The following KHDRBS2 variants were observed in gnomAD, a reference collection of about 807,000 sequenced individuals.
KHDRBS2 encodes KH domain-containing, RNA-binding, signal transduction-associated protein 2.
In KHDRBS2, 26 loss-of-function variants were observed where a neutral mutation model predicts 44.3. The observed-to-expected ratio is 0.59, with a 90% CI of 0.43 to 0.81. The LOEUF (loss-of-function observed/expected upper bound fraction) is 0.81. Among genes scored for constraint, KHDRBS2 ranks in the 40% least tolerant of loss-of-function variants. KHDRBS2 has a pLI of 0.00. For missense variants in KHDRBS2, 476 were observed against 433.1 expected (o/e 1.10, Z -0.88); for synonymous variants, 194 against 151.1 (o/e 1.28, Z -2.08).
chr6:61,761,548 T>G, intron 6 of KHDRBS2, among the ~76,000 whole-genome samples: 2 of 152,202 alleles, frequency 1.3e-5, no homozygotes, highest in East Asian at 3.9e-4. Flanking sequence ...TATCTGGTAC[T>G]ATTTTTTCTG....
chr6:61,718,420 T>C (rs1207826559), intron 7 of KHDRBS2, among the ~76,000 whole-genome samples: 1 of 152,170 alleles, frequency 6.6e-6, no homozygotes, highest in Non-Finnish European at 1.5e-5. Flanking sequence ...GGCACTAATA[T>C]GTACAATTAC....
At chr6:61,760,160 C>G (rs987641624) in intron 6 of KHDRBS2, among the ~76,000 whole-genome samples, 2 of 152,108 alleles carry the variant, frequency 1.3e-5, no homozygotes, top group South Asian at 4.2e-4. Flanking sequence ...GCTAAACATC[C>G]GGAAGACATT....
chr6:62,057,728 T>C (rs1234695344), intron 2 of KHDRBS2, among the ~76,000 whole-genome samples: 1 of 151,954 alleles, frequency 6.6e-6, no homozygotes, highest in Non-Finnish European at 1.5e-5. Context: ...GGATTAAATA[T>C]CTTCAAATAA....
chr6:61,652,423 T>C, the KHDRBS2 span: 1 of 151,830 alleles, frequency 6.6e-6, no homozygotes, highest in Admixed American at 6.6e-5. Flanking sequence ...ATGCATCTAC[T>C]TTATATTTAC....
intron 2 of KHDRBS2, among the ~76,000 whole-genome samples, chr6:62,160,509 T>C (rs887157257): frequency 6.6e-6 from 1 of 152,178 alleles, no homozygotes; most frequent in Non-Finnish European, 1.5e-5. Context: ...TTAGCTCTTG[T>C]AGGTAATTGC....
the KHDRBS2 span, among the ~76,000 whole-genome samples, chr6:61,576,326 A>G: frequency 2.0e-5 from 3 of 151,908 alleles, no homozygotes; most frequent in Non-Finnish European, 4.4e-5. Flanking sequence ...ATGCCTAGGT[A>G]TATATATTTT....
chr6:61,717,012 A>C (rs1771546679), intron 7 of KHDRBS2, among the ~76,000 whole-genome samples: 1 of 152,074 alleles, frequency 6.6e-6, no homozygotes, highest in Non-Finnish European at 1.5e-5. Context: ...GATCTCAATA[A>C]AAGATTAAGC....
chr6:61,825,690 TA>T (rs1386509685), intron 6 of KHDRBS2, among the ~76,000 whole-genome samples: 1 of 152,128 alleles, frequency 6.6e-6, no homozygotes, highest in East Asian at 1.9e-4. Context: ...TGGCACATTA[TA>T]ATGGCTAGGA....
At chr6:61,647,089 G>C in the KHDRBS2 span, among the ~76,000 whole-genome samples, 1 of 151,732 alleles carries the variant, frequency 6.6e-6, no homozygotes, top group Admixed American at 6.6e-5. Flanking sequence ...AAAGTGCTGG[G>C]ATGACAGGTG....
At chr6:61,950,474 C>T (rs1516722) in intron 4 of KHDRBS2, among the ~76,000 whole-genome samples, 8,380 of 151,812 alleles carry the variant, frequency 0.055, 337 homozygotes, top group Non-Finnish European at 0.083. Context: ...ATAGAGCTTC[C>T]TTATGTTTCC....
rs371595813 is a variant in KHDRBS2, at chr6:61,945,150, T to TATATATACACACACACAC, written c.483+32915_483+32916insGTGTGTGTGTGTATATAT. The stretch of plus-strand genomic sequence containing the variant: ...ATATATATATATATATATATATATA[T>TATATATACACACACACAC]ACACACAGACTTGTCTTGATAAAGT... On this transcript the variant is annotated intron_variant, in intron 4 of 8. Coordinates refer to ENST00000281156, the MANE Select transcript of KHDRBS2 (RefSeq NM_152688.4). Among the ~76,000 whole-genome samples, 3 of 87,012 alleles carry TATATATACACACACACAC rather than the reference T, an allele frequency of 3.4e-5. 1 individual carries two copies. The highest frequency in any genetic ancestry group is 3.0e-4 in the Admixed American group (2 of 6,750). 57.1% of individuals were successfully genotyped at this position (87,012 alleles called of 152,430 possible).
At chr6:61,762,576 C>A (rs539545370) in intron 6 of KHDRBS2, among the ~76,000 whole-genome samples, 1 of 152,254 alleles carries the variant, frequency 6.6e-6, no homozygotes, top group Admixed American at 6.5e-5. Flanking sequence ...CTTTCCAAGT[C>A]ATCTCTGCAC....
At chr6:62,027,029 C>T (rs566969019) in intron 3 of KHDRBS2, among the ~76,000 whole-genome samples, 14 of 146,316 alleles carry the variant, frequency 9.6e-5, no homozygotes, top group Admixed American at 2.0e-4. Context: ...TTTTTCATTT[C>T]GAGAACTCTT....
At chr6:62,180,773 C>T (rs1056132154) in intron 1 of KHDRBS2, among the ~76,000 whole-genome samples, 1 of 151,740 alleles carries the variant, frequency 6.6e-6, no homozygotes, top group African/African-American at 2.4e-5. Flanking sequence ...AGACATCACA[C>T]TTCCCAATTT....
At chr6:61,584,190 C>A in the KHDRBS2 span, among the ~76,000 whole-genome samples, 1 of 151,778 alleles carries the variant, frequency 6.6e-6, no homozygotes. Flanking sequence ...CTTTTCCAAT[C>A]TGCATGTCTG....
At chr6:61,613,969 T>C in the KHDRBS2 span, among the ~76,000 whole-genome samples, 1 of 152,180 alleles carries the variant, frequency 6.6e-6, no homozygotes, top group South Asian at 2.1e-4. Flanking sequence ...AGACCAAAAA[T>C]AATAAAGACA....
chr6:62,035,351 T>C (rs1470391228), intron 3 of KHDRBS2, among the ~76,000 whole-genome samples: 3 of 151,906 alleles, frequency 2.0e-5, no homozygotes, highest in African/African-American at 4.8e-5. Flanking sequence ...ACAACATGGA[T>C]GGAAATTGAG....
At chr6:61,639,590 C>G in the KHDRBS2 span, among the ~76,000 whole-genome samples, 1 of 151,954 alleles carries the variant, frequency 6.6e-6, no homozygotes, top group East Asian at 1.9e-4. Context: ...ATGATAGTCC[C>G]TATACTACTT....
Position 61,940,547 on chromosome 6 carries a change from C to T in KHDRBS2, c.483+37519G>A, listed in dbSNP as rs530944684. 1.3e-3 allele frequency among the ~76,000 whole-genome samples: 201 copies of T among 152,270 alleles called. 1 individual carries two copies. The highest frequency in any genetic ancestry group is 0.013 in the South Asian group (61 of 4,826). ...CCTCAAGCTATCTTCCCAACTTGGC[C>T]TCTCAAAGTGCTTAAATTACAGGTG... On this transcript the variant is annotated intron_variant, in intron 4 of 8. Coordinates refer to ENST00000281156, the MANE Select transcript of KHDRBS2 (RefSeq NM_152688.4).
Sources: allele counts gnomAD v4.1 joint callset (sites outside exome capture counted in the v4.1 genomes callset), GRCh38; gene constraint gnomAD v4.1.1; transcripts MANE v1.5; gene names NCBI Gene and HGNC (gene_info 2026-07-23, HGNC 2026-07-21).